Variants in WWOX observed in about 807,000 individuals in gnomAD.
WWOX encodes the protein WW domain-containing oxidoreductase.
Under a neutral mutation model 46.2 loss-of-function variants are expected in WWOX, and 69 were observed. The ratio of observed to expected loss-of-function variants is 1.49; its 90% CI spans 1.23 to 1.82. The LOEUF (loss-of-function observed/expected upper bound fraction) is 1.82. Ranked by LOEUF, WWOX falls within the 40% of genes most tolerant of loss-of-function variation. WWOX has a pLI of 0.00. For synonymous variants in WWOX, 359 were observed against 202.6 expected, an observed-to-expected ratio of 1.77 and a Z score of -6.56; for missense variants, 919 against 542.6, an observed-to-expected ratio of 1.69 and a Z score of -6.89.
intron 8 of WWOX, among the ~76,000 whole-genome samples, chr16:78,675,318 A>C (rs1055631737): frequency 6.6e-6 from 1 of 152,236 alleles, no homozygotes; most frequent in Non-Finnish European, 1.5e-5. Flanking sequence ...CGTACACTGT[A>C]GTAAGATTAA....
chr16:78,374,715 A>AT (rs1348951810), intron 5 of WWOX, among the ~76,000 whole-genome samples: 5 of 151,294 alleles, frequency 3.3e-5, no homozygotes, highest in Non-Finnish European at 7.4e-5. Context: ...GGCCTGGCTA[A>AT]TTTTTTTTGT....
intron 8 of WWOX, among the ~76,000 whole-genome samples, chr16:78,457,470 T>A (rs2083846784): frequency 6.6e-6 from 1 of 152,146 alleles, no homozygotes; most frequent in Non-Finnish European, 1.5e-5. Flanking sequence ...AATTGGTAGG[T>A]GGAAATAGAA....
chr16:78,941,583 A>G (rs1014038928), intron 8 of WWOX, among the ~76,000 whole-genome samples: 3 of 151,952 alleles, frequency 2.0e-5, no homozygotes, highest in African/African-American at 7.3e-5. Context: ...AAATGGCATT[A>G]TCTTCCCACA....
At chr16:78,739,614 C>T (rs570409774) in intron 8 of WWOX, among the ~76,000 whole-genome samples, 1 of 152,196 alleles carries the variant, frequency 6.6e-6, no homozygotes, top group East Asian at 1.9e-4. Flanking sequence ...AGTTCAAGAC[C>T]AGCCTGGCTA....
At chr16:78,569,641 T>C (rs1213018295) in intron 8 of WWOX, among the ~76,000 whole-genome samples, 2 of 152,224 alleles carry the variant, frequency 1.3e-5, no homozygotes, top group East Asian at 1.9e-4. Flanking sequence ...TTAATCACAG[T>C]TATAGAGTAG....
chr16:78,623,209 G>T (rs377304006), intron 8 of WWOX, among the ~76,000 whole-genome samples: 2 of 152,004 alleles, frequency 1.3e-5, no homozygotes, highest in African/African-American at 2.4e-5. Flanking sequence ...GATAATAAAT[G>T]TATGTGGCTT....
intron 8 of WWOX, among the ~76,000 whole-genome samples, chr16:78,856,397 C>G (rs1441030893): frequency 6.6e-6 from 1 of 152,196 alleles, no homozygotes; most frequent in Non-Finnish European, 1.5e-5. Flanking sequence ...AATCGCAGCA[C>G]TTTGGTTGGC....
In WWOX at chr16:78,310,921, G is replaced by A. The variant is rs192318216; in HGVS notation, c.517-75939G>A. Among the ~76,000 whole-genome samples the A allele has an allele frequency of 3.3e-3, 497 of 152,316 alleles. 1 individual carries two copies. The highest frequency in any genetic ancestry group is 0.011 in the African/African-American group (471 of 41,572). On this transcript the variant is annotated intron_variant, in intron 5 of 8. Coordinates refer to ENST00000566780, the MANE Select transcript of WWOX (RefSeq NM_016373.4). ...TGTTGTCACGATGTACAGGAGCCAG[G>A]CTTGGCATCGGAGTGGATGCTTGGG...
At position 78,850,673 on chromosome 16, in the gene WWOX, C is replaced by G. The variant is rs540848906; in HGVS notation, c.1057-360935C>G. 2.6e-5 allele frequency among the ~76,000 whole-genome samples: 4 copies of G among 152,292 alleles called. No homozygotes were observed. The South Asian group carries it at 8.3e-4, about 32-fold the overall frequency. On this transcript the variant is annotated intron_variant, in intron 8 of 8. Coordinates refer to ENST00000566780, the MANE Select transcript of WWOX (RefSeq NM_016373.4). ...AGCTTTATGTAATGACGAGCCTCATCCAGGACCTACTTGTGTCTCTGTGCC... is the reference window on the plus strand; with the variant it reads ...AGCTTTATGTAATGACGAGCCTCATGCAGGACCTACTTGTGTCTCTGTGCC...
At chr16:79,025,887 C>T (rs1267124729) in intron 8 of WWOX, among the ~76,000 whole-genome samples, 5 of 149,092 alleles carry the variant, frequency 3.4e-5, no homozygotes, top group Admixed American at 6.8e-5. Context: ...CAGCCTCCGC[C>T]TCCTGGGTTC....
intron 8 of WWOX, among the ~76,000 whole-genome samples, chr16:79,002,861 G>C (rs915945418): frequency 7.9e-5 from 12 of 152,166 alleles, no homozygotes; most frequent in African/African-American, 2.9e-4. Context: ...TGCTGATTTG[G>C]AAAATAACTC....
At chr16:78,471,053 C>G (rs987118021) in intron 8 of WWOX, among the ~76,000 whole-genome samples, 4 of 152,210 alleles carry the variant, frequency 2.6e-5, no homozygotes, top group African/African-American at 9.7e-5. Flanking sequence ...TATTTTCACT[C>G]TTCCTTCCTA....
At chr16:79,067,796 C>A (rs1446556475) in intron 8 of WWOX, among the ~76,000 whole-genome samples, 2 of 152,098 alleles carry the variant, frequency 1.3e-5, no homozygotes, top group Non-Finnish European at 2.9e-5. Flanking sequence ...CTTTGTGGTT[C>A]GAATGGAATG....
At chr16:78,925,678 C>A (rs953901772) in intron 8 of WWOX, among the ~76,000 whole-genome samples, 1 of 152,168 alleles carries the variant, frequency 6.6e-6, no homozygotes, top group Non-Finnish European at 1.5e-5. Flanking sequence ...TTGCATGTAT[C>A]TTTTGCCAAG....
chr16:78,914,491 T>C lies in WWOX; in HGVS notation c.1057-297117T>C, dbSNP rs2045195056. 1.3e-5 allele frequency among the ~76,000 whole-genome samples: 2 copies of C among 152,012 alleles called. 1 individual carries two copies. Among genetic ancestry groups the C allele is most frequent in the Non-Finnish European group, 2.9e-5 (2 of 68,002 alleles). On this transcript the variant is annotated intron_variant, in intron 8 of 8. Coordinates refer to ENST00000566780, the MANE Select transcript of WWOX (RefSeq NM_016373.4). ...ATTTCTTTTTAATGCAGAAGATTTC[T>C]TATGTGATTAACTGAATGGGAATTG...
At chr16:78,736,626 C>G (rs191056755) in intron 8 of WWOX, among the ~76,000 whole-genome samples, 4 of 151,624 alleles carry the variant, frequency 2.6e-5, no homozygotes, top group Non-Finnish European at 5.9e-5. Flanking sequence ...GAGATAGGAT[C>G]TGTCTCTTTC....
At position 79,194,264 on chromosome 16, in the gene WWOX, T is replaced by C. The variant is rs1012135084; in HGVS notation, c.1057-17344T>C. On this transcript the variant is annotated intron_variant, in intron 8 of 8. Coordinates refer to ENST00000566780, the MANE Select transcript of WWOX (RefSeq NM_016373.4). Reference sequence around the variant, plus strand: ...TTGTTTATCCATCAACTGAGTTGGATTGATATATTTTTCCTTTGGCCTTCA... The same window carrying C: ...TTGTTTATCCATCAACTGAGTTGGACTGATATATTTTTCCTTTGGCCTTCA... 3.9e-5 allele frequency among the ~76,000 whole-genome samples: 6 copies of C among 152,290 alleles called. No homozygotes were observed. The East Asian group carries it at 9.6e-4, about 24-fold the overall frequency.
At chr16:79,049,933 C>T (rs1424396077) in intron 8 of WWOX, among the ~76,000 whole-genome samples, 1 of 151,716 alleles carries the variant, frequency 6.6e-6, no homozygotes, top group Non-Finnish European at 1.5e-5. Context: ...GCATGTGGTT[C>T]CATTAAGGGA....
At chr16:78,869,884 T>A (rs2044089477) in intron 8 of WWOX, among the ~76,000 whole-genome samples, 1 of 152,212 alleles carries the variant, frequency 6.6e-6, no homozygotes, top group Non-Finnish European at 1.5e-5. Context: ...TTTTCCCAAA[T>A]AACTGAGGGG....
Sources: allele counts gnomAD v4.1 joint callset (sites outside exome capture counted in the v4.1 genomes callset), GRCh38; gene constraint gnomAD v4.1.1; transcripts MANE v1.5; gene names NCBI Gene and HGNC (gene_info 2026-07-23, HGNC 2026-07-21).